HOOK3: variants seen among roughly 807,000 people sequenced by gnomAD.
The protein encoded by HOOK3 is hook microtubule tethering protein 3.
A neutral mutation model predicts 116.3 loss-of-function variants in HOOK3; 24 were observed. The observed-to-expected ratio is 0.21, with a 90% CI of 0.15 to 0.29. The LOEUF (loss-of-function observed/expected upper bound fraction) is 0.29, where lower values mean the gene tolerates loss of function less well. Ranked by LOEUF, HOOK3 falls within the 10% of genes least tolerant of loss-of-function variation. HOOK3 has a pLI of 1.00. For synonymous variants in HOOK3, 275 were observed against 283.0 expected, an observed-to-expected ratio of 0.97 and a Z score of 0.28; for missense variants, 632 against 830.2, an observed-to-expected ratio of 0.76 and a Z score of 2.93.
chr8:42,931,577 G>C (rs1033902943), intron 4 of HOOK3, among the ~76,000 whole-genome samples: 5 of 151,138 alleles, frequency 3.3e-5, no homozygotes, highest in African/African-American at 1.2e-4. Flanking sequence ...GACTACAGGT[G>C]CCTGCCACCA....
At chr8:42,947,006 T>C (rs1259288630) in intron 5 of HOOK3, among the ~76,000 whole-genome samples, 1 of 152,126 alleles carries the variant, frequency 6.6e-6, no homozygotes. Flanking sequence ...CCTGACCTCA[T>C]GATCCGCCTG....
intron 2 of HOOK3, among the ~76,000 whole-genome samples, chr8:42,923,211 G>A (rs1231156910): frequency 2.6e-5 from 4 of 152,148 alleles, no homozygotes; most frequent in Non-Finnish European, 4.4e-5. Flanking sequence ...AGATAATAAC[G>A]AGTATTGGCA....
intron 13 of HOOK3, among the ~76,000 whole-genome samples, chr8:42,980,176 C>T (rs1469644768): frequency 6.6e-6 from 1 of 152,032 alleles, no homozygotes. Flanking sequence ...TGGTCTTGAA[C>T]TCCTGACCTC....
chr8:42,938,734 T>A (rs1295466530), intron 4 of HOOK3, among the ~76,000 whole-genome samples: 1 of 138,800 alleles, frequency 7.2e-6, no homozygotes, highest in African/African-American at 2.9e-5. Context: ...TTATTTATTT[T>A]TATTGATCAT....
intron 9 of HOOK3, among the ~76,000 whole-genome samples, chr8:42,964,918 A>G (rs1808605054): frequency 6.6e-6 from 1 of 152,184 alleles, no homozygotes. Context: ...GAATCTCCTC[A>G]CACAACATGA....
intron 6 of HOOK3, among the ~76,000 whole-genome samples, chr8:42,954,428 A>G (rs542748673): frequency 2.0e-5 from 3 of 152,226 alleles, no homozygotes; most frequent in Non-Finnish European, 4.4e-5. Flanking sequence ...TTTTATATTA[A>G]CAGAAATATG....
chr8:42,966,002 T>C (rs945901418), intron 9 of HOOK3, among the ~76,000 whole-genome samples: 1 of 152,188 alleles, frequency 6.6e-6, no homozygotes, highest in Non-Finnish European at 1.5e-5. Context: ...GAAACAAATA[T>C]GAGAACCCAG....
rs929004979 is a variant in HOOK3, at chr8:43,019,059, G to A, written c.*561G>A. On this transcript the variant is annotated 3_prime_UTR_variant, in exon 22 of 22. Transcript: ENST00000307602. The stretch of plus-strand genomic sequence containing the variant: ...AGGTGCTAATCACATCTTCCCTAAG[G>A]CACCTGGAAGAATTATTTGAGGAAA... 1 of 207,574 alleles carries A rather than the reference G, an allele frequency of 4.8e-6. No individual in the cohort carries two copies. Among genetic ancestry groups the A allele is most frequent in the East Asian group, 7.5e-5 (1 of 13,362 alleles). The allele number at this position is 207,574 out of a possible 1,614,324, so 12.9% of individuals were successfully genotyped here. A position where few individuals can be genotyped will look rare whatever the true frequency, so the allele number is the denominator to read the frequency against.
chr8:42,957,931 A>C (rs1586609436), intron 7 of HOOK3, among the ~76,000 whole-genome samples: 1 of 147,668 alleles, frequency 6.8e-6, no homozygotes, highest in East Asian at 2.0e-4. Flanking sequence ...CCGGGTTCTC[A>C]CCATTCTCCT....
At chr8:42,991,426 A>G (rs1809159138) in intron 15 of HOOK3, among the ~76,000 whole-genome samples, 1 of 137,570 alleles carries the variant, frequency 7.3e-6, no homozygotes, top group African/African-American at 2.8e-5. Context: ...TTTTGGAGAT[A>G]GAGTCTGTCT....
intron 16 of HOOK3, 99 bp from the exon 17 acceptor site, chr8:43,002,008 C>G: frequency 1.3e-6 from 1 of 741,944 alleles, no homozygotes; most frequent in Non-Finnish European, 2.3e-6. Flanking sequence ...TTACTGAAAG[C>G]TCACTCAAAA....
chr8:42,941,671 T>G (rs1405099570), intron 4 of HOOK3, among the ~76,000 whole-genome samples: 1 of 152,134 alleles, frequency 6.6e-6, no homozygotes, highest in East Asian at 1.9e-4. Flanking sequence ...TTCAATTTGT[T>G]TTCCTTATTA....
chr8:43,024,084 C>T lies in HOOK3; in HGVS notation c.*5586C>T, dbSNP rs975903961. On this transcript the variant is annotated 3_prime_UTR_variant, in exon 22 of 22. Coordinates refer to ENST00000307602, the MANE Select transcript of HOOK3 (RefSeq NM_032410.4). ...TCCACAACCCACAGCTAGTGGAAAC[C>T]GAGCTAGTTTACAGCCACGTGGATA... is the stretch of plus-strand genomic sequence containing the variant. The T allele has an allele frequency of 2.9e-5, 6 of 207,050 alleles. No individual in the cohort carries two copies. The highest frequency in any genetic ancestry group is 9.8e-6 in the Non-Finnish European group (1 of 101,592). 12.8% of individuals were successfully genotyped at this position (207,050 alleles called of 1,614,324 possible).
At chr8:42,984,746 A>G (rs1314878748) in intron 14 of HOOK3, among the ~76,000 whole-genome samples, 1 of 152,166 alleles carries the variant, frequency 6.6e-6, no homozygotes, top group East Asian at 1.9e-4. Context: ...TGCTAAAAAT[A>G]CAAAAAAATT....
chr8:42,937,408 T>G (rs1433135105), intron 4 of HOOK3, among the ~76,000 whole-genome samples: 6 of 151,748 alleles, frequency 4.0e-5, no homozygotes, highest in African/African-American at 1.2e-4. Flanking sequence ...GCTCTGATCT[T>G]AGTTATTTCT....
At chr8:42,903,048 C>T (rs1807221894) in intron 1 of HOOK3, among the ~76,000 whole-genome samples, 1 of 152,188 alleles carries the variant, frequency 6.6e-6, no homozygotes, top group African/African-American at 2.4e-5. Context: ...GAGCAGGCAG[C>T]TGGAGATAGT....
intron 15 of HOOK3, among the ~76,000 whole-genome samples, chr8:42,992,313 T>C (rs1809179330): frequency 6.7e-6 from 1 of 148,990 alleles, no homozygotes. Context: ...GGCAGGAGAA[T>C]TGCATGAACC....
chr8:42,898,147 G>T (rs1807085828), intron 1 of HOOK3, among the ~76,000 whole-genome samples: 1 of 152,170 alleles, frequency 6.6e-6, no homozygotes, highest in Non-Finnish European at 1.5e-5. Context: ...GAGTGTAGAC[G>T]TCACGATCCT....
At chr8:42,954,126 T>A (rs1401104446) in intron 6 of HOOK3, among the ~76,000 whole-genome samples, 57 of 152,188 alleles carry the variant, frequency 3.7e-4, no homozygotes, top group Admixed American at 3.7e-3. Flanking sequence ...ATATTAGGTT[T>A]AAAAAGGTAG....
Sources: allele counts gnomAD v4.1 joint callset (sites outside exome capture counted in the v4.1 genomes callset), GRCh38; gene constraint gnomAD v4.1.1; transcripts MANE v1.5; gene names NCBI Gene and HGNC (gene_info 2026-07-23, HGNC 2026-07-21).